Variants in SCN3A observed in about 807,000 individuals in gnomAD.
SCN3A encodes the protein sodium channel protein type 3 subunit alpha.
Under a neutral mutation model 187.6 loss-of-function variants are expected in SCN3A, and 60 were observed. That is an observed-to-expected ratio of 0.32 (90% confidence interval 0.26 to 0.40). SCN3A has a LOEUF of 0.40. Ranked by LOEUF, SCN3A falls within the 10% of genes least tolerant of loss-of-function variation. SCN3A has a pLI of 1.00. For synonymous variants in SCN3A, 788 were observed against 829.2 expected (o/e 0.95, Z 0.85); for missense variants, 1,601 against 2,428.2 (o/e 0.66, Z 7.16).
chr2:165,173,827 A>G (rs1299708443), intron 3 of SCN3A, among the ~76,000 whole-genome samples: 3 of 152,190 alleles, frequency 2.0e-5, no homozygotes, highest in Non-Finnish European at 4.4e-5. Context: ...ATCTTTATGG[A>G]TACTTCATAA....
At chr2:165,189,239 C>T (rs1691442587) in intron 1 of SCN3A, among the ~76,000 whole-genome samples, 1 of 152,182 alleles carries the variant, frequency 6.6e-6, no homozygotes, top group African/African-American at 2.4e-5. Flanking sequence ...CATGAGGCAA[C>T]ATGCTCAACA....
Position 165,164,511 on chromosome 2 carries a change from G to A in SCN3A, c.483C>T (p.Phe161=), listed in dbSNP as rs1689615580. The part of the protein sequence containing the change: ...PDWTKNVEYT[F]TGIYTFESLI... ...GTGACTCAAAGGTATAGATTCCAGT[G>A]AATGTGTACCTAGGAAAAACATCCA... Residue 161 remains phenylalanine, a synonymous_variant, in exon 6 of 28, where the codon TTC becomes TTT. Coordinates refer to ENST00000283254, the MANE Select transcript of SCN3A (RefSeq NM_006922.4). 2.5e-6 allele frequency: 4 copies of A among 1,613,518 alleles called. No homozygotes were observed. In the Admixed American group the frequency reaches 5.0e-5, roughly 20 times the overall value.
At chr2:165,091,484 A>G (rs994415892) in intron 27 of SCN3A, 139 bp from the exon 28 acceptor site, 3 of 1,068,852 alleles carry the variant, frequency 2.8e-6, no homozygotes, top group East Asian at 2.6e-5. Flanking sequence ...ACTCCCTGAC[A>G]TTAGCAATTA....
chr2:165,093,650 C>T (rs896587557), intron 26 of SCN3A: 14 of 152,160 alleles, frequency 9.2e-5, no homozygotes, highest in African/African-American at 1.9e-4. Context: ...CCCTCTTACC[C>T]TGCTCCCTCA....
intron 21 of SCN3A, among the ~76,000 whole-genome samples, chr2:165,109,587 A>G (rs1686021233): frequency 1.3e-5 from 2 of 152,226 alleles, no homozygotes; most frequent in South Asian, 2.1e-4. Context: ...CCACATATCA[A>G]GCCTATCAGT....
At chr2:165,150,285 C>T (rs1291573412) in intron 11 of SCN3A, among the ~76,000 whole-genome samples, 2 of 152,154 alleles carry the variant, frequency 1.3e-5, no homozygotes, top group Non-Finnish European at 2.9e-5. Context: ...TGATGCTAGC[C>T]TTCATGAAGT....
At chr2:165,144,910 AATTT>A (rs1044020980) in intron 12 of SCN3A, among the ~76,000 whole-genome samples, 1 of 152,180 alleles carries the variant, frequency 6.6e-6, no homozygotes, top group African/African-American at 2.4e-5. Flanking sequence ...TGATCTACAA[AATTT>A]ATTTGAGCAA....
chr2:165,174,203 C>G (rs888426374), intron 3 of SCN3A, among the ~76,000 whole-genome samples: 2 of 152,176 alleles, frequency 1.3e-5, no homozygotes, highest in Non-Finnish European at 2.9e-5. Context: ...GCCATCATGC[C>G]TGGCCTCCAG....
At position 165,114,477 on chromosome 2, in the gene SCN3A, C is replaced by T. The variant is rs181388593; in HGVS notation, c.3515-507G>A. Among the ~76,000 whole-genome samples the T allele has an allele frequency of 6.6e-5, 10 of 152,250 alleles. No individual in the cohort carries two copies. In the East Asian group the frequency reaches 1.2e-3, roughly 18 times the overall value. On this transcript the variant is annotated intron_variant, in intron 19 of 27. Coordinates refer to ENST00000283254, the MANE Select transcript of SCN3A (RefSeq NM_006922.4). ...TCTTAGTCACACCTATGACTCAGCTCGTCAGTCAGTATCTCTTTCCCTTTG... is the reference window on the plus strand; with the variant it reads ...TCTTAGTCACACCTATGACTCAGCTTGTCAGTCAGTATCTCTTTCCCTTTG...
chr2:165,187,533 C>A (rs1691319420), intron 1 of SCN3A, among the ~76,000 whole-genome samples: 1 of 152,218 alleles, frequency 6.6e-6, no homozygotes, highest in Non-Finnish European at 1.5e-5. Flanking sequence ...CCCTTGGCCA[C>A]TTACCATAAC....
intron 9 of SCN3A, among the ~76,000 whole-genome samples, chr2:165,161,616 T>A (rs547069643): frequency 6.6e-6 from 1 of 152,344 alleles, no homozygotes; most frequent in East Asian, 1.9e-4. Flanking sequence ...TCACTTACTA[T>A]TGCTATCTCT....
In SCN3A at chr2:165,091,010, G is replaced by A. The variant is rs529490915; in HGVS notation, c.5143C>T (p.Leu1715=). 3 of 1,614,118 alleles carry A rather than the reference G, an allele frequency of 1.9e-6. No individual in the cohort carries two copies. Among genetic ancestry groups the A allele is most frequent in the Admixed American group, 1.7e-5 (1 of 59,994 alleles). The change falls in exon 28 of 28, where the codon CTA becomes TTA. Residue 1715 remains leucine, a synonymous_variant. Coordinates refer to ENST00000283254, the MANE Select transcript of SCN3A (RefSeq NM_006922.4). ...ITTSAGWDGL[L]APILNSAPPD... ...GGTGCACTATTAAGAATAGGTGCTA[G>A]CAATCCATCCCAGCCAGCAGAGGTT...
At chr2:165,184,787 A>G (rs1691123850) in intron 2 of SCN3A, among the ~76,000 whole-genome samples, 1 of 152,194 alleles carries the variant, frequency 6.6e-6, no homozygotes, top group African/African-American at 2.4e-5. Flanking sequence ...ATAAATTAAA[A>G]ACCTAGGCTA....
intron 1 of SCN3A, among the ~76,000 whole-genome samples, chr2:165,192,112 CAT>C (rs1691650938): frequency 1.3e-5 from 2 of 151,864 alleles, no homozygotes; most frequent in Non-Finnish European, 2.9e-5. Context: ...GATGATAAAA[CAT>C]AAAAGGACTC....
At chr2:165,110,353 T>G (rs1386314960) in intron 21 of SCN3A, among the ~76,000 whole-genome samples, 1 of 152,250 alleles carries the variant, frequency 6.6e-6, no homozygotes, top group Non-Finnish European at 1.5e-5. Context: ...TATGTCACTA[T>G]AAATCTAATT....
At chr2:165,156,779 C>T (rs1185190908) in intron 9 of SCN3A, among the ~76,000 whole-genome samples, 1 of 152,064 alleles carries the variant, frequency 6.6e-6, no homozygotes, top group Non-Finnish European at 1.5e-5. Flanking sequence ...TCTGAAACTT[C>T]TGGGCTCAAG....
chr2:165,091,090 T>C lies in SCN3A; in HGVS notation c.5063A>G (p.Asp1688Gly), dbSNP rs1245857364. ...AYVKKEAGID[D>G]MFNFETFGNS... ...GCCAAAGGTCTCAAAGTTGAACATG[T>C]CATCAATTCCAGCTTCCTTTTTAAC... The change falls in exon 28 of 28, where the codon GAC (aspartate) becomes GGC (glycine). Residue 1688 changes from aspartate to glycine, a missense_variant. Around this residue, in one of 11 missense-constraint regions of SCN3A, gnomAD observed 320 missense variants for 623.2 expected, o/e 0.51. Transcript: ENST00000283254. The C allele has an allele frequency of 1.9e-6, 3 of 1,613,936 alleles. No individual in the cohort carries two copies. The highest frequency in any genetic ancestry group is 2.7e-5 in the African/African-American group (2 of 74,872).
rs901219665 is a variant in SCN3A at position 165,129,883 on chromosome 2, T to C, written c.2922+57A>G. 3 of 1,607,818 alleles carry C rather than the reference T, an allele frequency of 1.9e-6. No individual in the cohort carries two copies. The African/African-American group carries it at 4.0e-5, about 22-fold the overall frequency. ...GATATGTTTACTACATCTGGCCACG[T>C]TCCTAGCTACTGTCTGCTCTTGTTC... On this transcript the variant is annotated intron_variant, in intron 17 of 27. Transcript: ENST00000283254.
chr2:165,132,386 C>T (rs1194819626), intron 15 of SCN3A, among the ~76,000 whole-genome samples: 5 of 152,172 alleles, frequency 3.3e-5, no homozygotes, highest in Admixed American at 3.3e-4. Flanking sequence ...AACTATACTA[C>T]AAGGCTACAG....
Sources: allele counts gnomAD v4.1 joint callset (sites outside exome capture counted in the v4.1 genomes callset), GRCh38; gene constraint gnomAD v4.1.1; regional missense constraint gnomAD v4.1.1; transcripts MANE v1.5; gene names NCBI Gene and HGNC (gene_info 2026-07-23, HGNC 2026-07-21).